PCDHGA7: variants seen among roughly 807,000 people sequenced by gnomAD.
The protein encoded by PCDHGA7 is protocadherin gamma subfamily A, 7, also known as protocadherin gamma-A7.
A neutral mutation model predicts 58.3 loss-of-function variants in PCDHGA7; 44 were observed. The observed-to-expected ratio is 0.75, with a 90% CI of 0.59 to 0.97. The LOEUF (loss-of-function observed/expected upper bound fraction) is 0.97. PCDHGA7 is among the 50% of genes least tolerant of loss of function. PCDHGA7 has a pLI of 0.00. For synonymous variants in PCDHGA7, 516 were observed against 504.2 expected (o/e 1.02, Z -0.31); for missense variants, 1,266 against 1,188.7 (o/e 1.06, Z -0.96).
chr5:141,383,187 C>CGGGAAGA lies in PCDHGA7; in HGVS notation c.289_290insGGAAGAG (p.Ala97GlyfsTer13). The CGGGAAGA allele has an allele frequency of 6.2e-7, 1 of 1,614,076 alleles. No homozygotes were observed. The highest frequency in any genetic ancestry group is 8.5e-7 in the Non-Finnish European group (1 of 1,179,948). The stretch of plus-strand genomic sequence containing the variant: ...GCAGGATAGACCGGGAAGAGATCTG[C>CGGGAAGA]GCTCAGAGTGCGCGGTGTCTGGTAA... On this transcript the variant is annotated frameshift_variant, in exon 1 of 4. Coordinates refer to ENST00000518325, the MANE Select transcript of PCDHGA7 (RefSeq NM_018920.4). LOFTEE classifies it high-confidence loss of function.
chr5:141,478,736 T>C (rs2099474016), intron 1 of PCDHGA7: 1 of 1,534,678 alleles, frequency 6.5e-7, no homozygotes, highest in African/African-American at 1.4e-5. Flanking sequence ...GTGTGGTTTG[T>C]GGTCCCATTT....
intron 1 of PCDHGA7, chr5:141,414,010 G>A (rs1308472085): frequency 1.2e-6 from 2 of 1,612,990 alleles, no homozygotes; most frequent in Non-Finnish European, 1.7e-6. Flanking sequence ...AGGTGCCAAT[G>A]GAGAAGTGAC....
chr5:141,405,177 G>A, intron 1 of PCDHGA7: 3 of 1,614,140 alleles, frequency 1.9e-6, no homozygotes, highest in African/African-American at 1.3e-5. Flanking sequence ...CACTTTGTGG[G>A]TGTAGATGGG....
chr5:141,413,965 C>G (rs2095696868), intron 1 of PCDHGA7: 2 of 1,613,292 alleles, frequency 1.2e-6, no homozygotes, highest in East Asian at 2.2e-5. Context: ...TGTGGGCACT[C>G]AGCTGCTGAC....
rs143509166 is a variant in PCDHGA7 at position 141,395,182 on chromosome 5, C to T, written c.2424+9859C>T. On this transcript the variant is annotated intron_variant, in intron 1 of 3. Transcript: ENST00000518325. ...CAGGAGGGCTGTGAGAAAAATGATT[C>T]TTTGTTAACATCCGTAGATTTTCAT... 141 of 1,614,114 alleles carry T rather than the reference C, an allele frequency of 8.7e-5. 2 individuals are homozygous for T. The Middle Eastern group carries it at 1.8e-3, about 21-fold the overall frequency.
chr5:141,494,775 A>G (rs1202233200), intron 1 of PCDHGA7, 32 bp from the exon 2 acceptor site: 1 of 1,613,580 alleles, frequency 6.2e-7, no homozygotes. Flanking sequence ...TCTCACGGGT[A>G]CTCAGCCCCT....
intron 1 of PCDHGA7, chr5:141,475,971 C>T (rs750016455): frequency 2.1e-5 from 20 of 954,292 alleles, no homozygotes; most frequent in Non-Finnish European, 2.9e-5. Context: ...GAGGCAGAGA[C>T]TGAACAGCCG....
At chr5:141,466,054 G>A (rs2099115921) in intron 1 of PCDHGA7, among the ~76,000 whole-genome samples, 1 of 152,080 alleles carries the variant, frequency 6.6e-6, no homozygotes, top group Non-Finnish European at 1.5e-5. Context: ...CCCAGGAGAC[G>A]GAGCTTGCAG....
At chr5:141,450,292 C>T (rs1310226132) in intron 1 of PCDHGA7, among the ~76,000 whole-genome samples, 2 of 152,066 alleles carry the variant, frequency 1.3e-5, no homozygotes, top group African/African-American at 2.4e-5. Context: ...GGATTACAGG[C>T]GTGAGCCACC....
intron 1 of PCDHGA7, among the ~76,000 whole-genome samples, chr5:141,435,794 C>T (rs993951734): frequency 2.6e-5 from 4 of 151,934 alleles, no homozygotes; most frequent in Admixed American, 6.6e-5. Flanking sequence ...GGAAACATAA[C>T]GTCCCAATTA....
At chr5:141,410,351 C>G in intron 1 of PCDHGA7, 1 of 1,614,066 alleles carries the variant, frequency 6.2e-7, no homozygotes. Flanking sequence ...GCGCCTGCGA[C>G]GCTCTCTCAG....
chr5:141,421,991 A>T, intron 1 of PCDHGA7: 1 of 1,608,656 alleles, frequency 6.2e-7, no homozygotes, highest in Non-Finnish European at 8.5e-7. Context: ...GTTCCAGAAA[A>T]CATCAGCTCC....
intron 1 of PCDHGA7, chr5:141,413,638 C>T (rs768604791): frequency 4.8e-5 from 78 of 1,613,686 alleles, no homozygotes; most frequent in Middle Eastern, 1.6e-4. Flanking sequence ...TGCGGGAATG[C>T]GTTTTCCTCT....
chr5:141,430,707 C>T, intron 1 of PCDHGA7: 2 of 1,478,562 alleles, frequency 1.4e-6, no homozygotes, highest in Non-Finnish European at 9.0e-7. Flanking sequence ...GGAACTGCTC[C>T]TGACTTCAGT....
chr5:141,490,467 C>T lies in PCDHGA7; in HGVS notation c.2425-4340C>T. ...AGAACCACTACTCGCTGCTAACCAG[C>T]CAGCCTTTGGACCGGGAGGCCACAT... is the stretch of plus-strand genomic sequence containing the variant. On this transcript the variant is annotated intron_variant, in intron 1 of 3. Transcript: ENST00000518325. This position sits in a 1 kb window ranked among gnomAD's most constrained non-coding sequence, Gnocchi z 5.4. The T allele has an allele frequency of 6.2e-7, 1 of 1,614,216 alleles. No individual in the cohort carries two copies. The highest frequency in any genetic ancestry group is 8.5e-7 in the Non-Finnish European group (1 of 1,180,040).
chr5:141,432,481 C>G lies in PCDHGA7; in HGVS notation c.2424+47158C>G. 6.2e-7 allele frequency: 1 copy of G among 1,614,198 alleles called. No homozygotes were observed. On this transcript the variant is annotated intron_variant, in intron 1 of 3. Coordinates refer to ENST00000518325, the MANE Select transcript of PCDHGA7 (RefSeq NM_018920.4). This position sits in a 1 kb window ranked among gnomAD's most constrained non-coding sequence, Gnocchi z 6.0. ...CCCTCCCCACGGACGGTTCCACTGG[C>G]GTGGAGCTGGCTCCCCGCTCCGCAG...
At chr5:141,394,992 G>T (rs1392246245) in intron 1 of PCDHGA7, 50 of 1,614,044 alleles carry the variant, frequency 3.1e-5, no homozygotes, top group Non-Finnish European at 4.2e-5. Context: ...CCTGCTCCAG[G>T]ATTCCGGTGG....
intron 2 of PCDHGA7, among the ~76,000 whole-genome samples, chr5:141,502,947 G>A (rs933409229): frequency 3.0e-4 from 45 of 151,030 alleles, no homozygotes; most frequent in Admixed American, 1.8e-3. Context: ...GGGTTCAAGC[G>A]ATTCTCCTGC....
At chr5:141,427,228 T>C (rs2097002884) in intron 1 of PCDHGA7, 1 of 456,550 alleles carries the variant, frequency 2.2e-6, no homozygotes, top group South Asian at 1.5e-5. Context: ...AGTTATACCA[T>C]GAGAGTAGAA....
Sources: gnomAD v4.1 joint callset for allele counts (sites outside exome capture counted in the v4.1 genomes callset) on GRCh38, gnomAD v4.1.1 for gene constraint, Gnocchi (gnomAD v3.1) non-coding constraint, MANE v1.5 for transcripts, NCBI Gene and HGNC (gene_info 2026-07-23, HGNC 2026-07-21) for gene names.